The following RELN variants were observed in gnomAD, a reference collection of about 807,000 sequenced individuals.
The protein encoded by RELN is reelin.
In RELN, 108 loss-of-function variants were observed where a neutral mutation model predicts 427.6. That is an observed-to-expected ratio of 0.25 (90% CI 0.22 to 0.30). The LOEUF is 0.30. Among genes scored for constraint, RELN ranks in the 10% least tolerant of loss-of-function variants. The probability of loss-of-function intolerance (pLI) is 1.00; values close to 1 mark genes in which losing one functional copy is unlikely to be tolerated. For synonymous variants in RELN, 1,524 were observed against 1,513.4 expected, an observed-to-expected ratio of 1.01 and a Z score of -0.16; for missense variants, 3,715 against 4,302.8, an observed-to-expected ratio of 0.86 and a Z score of 3.82.
chr7:103,638,488 T>C (rs575572096), intron 17 of RELN, among the ~76,000 whole-genome samples: 91 of 152,190 alleles, frequency 6.0e-4, no homozygotes, highest in African/African-American at 2.1e-3. Flanking sequence ...GAGAAAAATA[T>C]AAAGTTGCAA....
Position 103,777,887 on chromosome 7 carries a change from A to ACACACACACACACG in RELN, c.474-1261_474-1260insCGTGTGTGTGTGTG, listed in dbSNP as rs1210774260. ...AGCAGTGAAAGTGTTATACCTTCAC[A>ACACACACACACACG]CACACACACACACACACACACACAC... On this transcript the variant is annotated intron_variant, in intron 3 of 64. Coordinates refer to ENST00000428762, the MANE Select transcript of RELN (RefSeq NM_005045.4). 8.5e-4 allele frequency among the ~76,000 whole-genome samples: 127 copies of ACACACACACACACG among 150,232 alleles called. 1 individual carries two copies. Among genetic ancestry groups the ACACACACACACACG allele is most frequent in the African/African-American group, 3.1e-3 (124 of 40,644 alleles).
chr7:103,872,030 A>ATATATT (rs773045936), intron 2 of RELN, among the ~76,000 whole-genome samples: 6 of 138,450 alleles, frequency 4.3e-5, no homozygotes, highest in Admixed American at 2.9e-4. Flanking sequence ...ATATATATAT[A>ATATATT]TTTTTCTTTT....
At position 103,566,216 on chromosome 7, in the gene RELN, A is replaced by T; in HGVS notation, c.4936+8T>A. 6.2e-7 allele frequency: 1 copy of T among 1,605,814 alleles called. No individual in the cohort carries two copies. Among genetic ancestry groups the T allele is most frequent in the Non-Finnish European group, 8.5e-7 (1 of 1,172,538 alleles). On this transcript the variant is annotated splice_region_variant and intron_variant, in intron 33 of 64. Transcript: ENST00000428762. ...GATATTTTCCCTTTATCTGGTGACA[A>T]TATATACCTATGTTTTCAGTGAATA...
At chr7:103,821,537 G>A (rs1035900405) in intron 3 of RELN, among the ~76,000 whole-genome samples, 16 of 152,150 alleles carry the variant, frequency 1.1e-4, no homozygotes, top group Middle Eastern at 3.4e-3. Context: ...TGAGCCAGGC[G>A]GTAACCAAAA....
chr7:103,985,469 T>C (rs891880299), intron 1 of RELN, among the ~76,000 whole-genome samples: 2 of 152,190 alleles, frequency 1.3e-5, no homozygotes, highest in African/African-American at 4.8e-5. Flanking sequence ...ATGCACAATG[T>C]CTTCTTCTAA....
intron 62 of RELN, 28 bp downstream of exon 62, chr7:103,483,625 A>C (rs1469032947): frequency 1.2e-6 from 2 of 1,605,750 alleles, no homozygotes; most frequent in African/African-American, 2.7e-5. Flanking sequence ...TGTGCATGAG[A>C]CCATGCCTTT....
chr7:103,604,296 C>A, intron 23 of RELN, 50 bp downstream of exon 23: 1 of 1,611,452 alleles, frequency 6.2e-7, no homozygotes, highest in East Asian at 2.2e-5. Context: ...TATCCTCCAG[C>A]CACAAATCTT....
intron 25 of RELN, among the ~76,000 whole-genome samples, chr7:103,595,466 T>G (rs1413551209): frequency 6.6e-6 from 1 of 152,214 alleles, no homozygotes; most frequent in Non-Finnish European, 1.5e-5. Context: ...TGTTTTATCA[T>G]GGTAAGTTCT....
At chr7:103,600,008 T>G (rs930447430) in intron 24 of RELN, among the ~76,000 whole-genome samples, 1 of 152,164 alleles carries the variant, frequency 6.6e-6, no homozygotes, top group African/African-American at 2.4e-5. Context: ...GCGATCCTTC[T>G]GCCTCATTCT....
intron 4 of RELN, among the ~76,000 whole-genome samples, chr7:103,764,998 T>C (rs1468236400): frequency 6.6e-6 from 1 of 151,924 alleles, no homozygotes; most frequent in Non-Finnish European, 1.5e-5. Context: ...ATTGGTGACC[T>C]TGAGGATGAT....
intron 1 of RELN, among the ~76,000 whole-genome samples, chr7:103,960,467 C>A (rs1435927870): frequency 6.6e-6 from 1 of 152,098 alleles, no homozygotes; most frequent in Non-Finnish European, 1.5e-5. Flanking sequence ...TTTTTTTCCT[C>A]CTTAGTTTTA....
chr7:103,869,050 G>T (rs574203300), intron 2 of RELN, among the ~76,000 whole-genome samples: 2 of 152,104 alleles, frequency 1.3e-5, no homozygotes, highest in South Asian at 4.2e-4. Context: ...TTATCGATAT[G>T]GTTGGGTTTA....
At chr7:103,938,852 T>C (rs1242556769) in intron 1 of RELN, among the ~76,000 whole-genome samples, 3 of 152,180 alleles carry the variant, frequency 2.0e-5, no homozygotes, top group African/African-American at 7.2e-5. Context: ...TATAGATGCT[T>C]TGAAAAAGGT....
In RELN at chr7:103,651,603, A is replaced by AT. The variant is rs1288468907; in HGVS notation, c.1892+57dup. On this transcript the variant is annotated intron_variant, in intron 15 of 64. Coordinates refer to ENST00000428762, the MANE Select transcript of RELN (RefSeq NM_005045.4). ...ATGCTAATTTCAGGATAACTCATTG[A>AT]TTTTTATTCTGCAACATGGATTCAA... 5.3e-5 allele frequency: 83 copies of AT among 1,561,032 alleles called. No individual in the cohort carries two copies. In the Admixed American group the frequency reaches 1.4e-3, roughly 26 times the overall value.
chr7:103,490,261 G>T (rs1273233736), intron 59 of RELN, among the ~76,000 whole-genome samples: 1 of 152,202 alleles, frequency 6.6e-6, no homozygotes, highest in East Asian at 1.9e-4. Context: ...GCAGCTTTGT[G>T]TAACCTGTCA....
intron 1 of RELN, among the ~76,000 whole-genome samples, chr7:103,938,146 C>G (rs1367842445): frequency 6.6e-6 from 1 of 151,964 alleles, no homozygotes. Flanking sequence ...CATGGTAAAA[C>G]CCTGTCTCTA....
intron 27 of RELN, among the ~76,000 whole-genome samples, chr7:103,592,406 T>C (rs902489513): frequency 6.6e-6 from 1 of 152,208 alleles, no homozygotes; most frequent in South Asian, 2.1e-4. Flanking sequence ...CCATGGTGTA[T>C]ATGTACCACA....
At chr7:103,880,153 C>A (rs1794573287) in intron 2 of RELN, among the ~76,000 whole-genome samples, 1 of 151,818 alleles carries the variant, frequency 6.6e-6, no homozygotes, top group African/African-American at 2.4e-5. Flanking sequence ...AAACAGATGG[C>A]TGATTTAAGA....
At chr7:103,884,064 G>C (rs757733872) in intron 2 of RELN, among the ~76,000 whole-genome samples, 1 of 152,108 alleles carries the variant, frequency 6.6e-6, no homozygotes, top group Non-Finnish European at 1.5e-5. Context: ...AAACAGCATG[G>C]TACTGGTACC....
Sources: gnomAD v4.1 joint callset for allele counts (sites outside exome capture counted in the v4.1 genomes callset) on GRCh38, gnomAD v4.1.1 for gene constraint, MANE v1.5 for transcripts, NCBI Gene and HGNC (gene_info 2026-07-23, HGNC 2026-07-21) for gene names.